The following NR1D2 variants were observed in gnomAD, a reference collection of about 807,000 sequenced individuals.
NR1D2 encodes the protein nuclear receptor subfamily 1 group D member 2.
Under a neutral mutation model 52.2 loss-of-function variants are expected in NR1D2, and 25 were observed. The observed-to-expected ratio is 0.48, with a 90% CI of 0.35 to 0.67. NR1D2 has a LOEUF of 0.67. Among genes scored for constraint, NR1D2 ranks in the 30% least tolerant of loss-of-function variants. NR1D2 has a pLI of 0.01. For synonymous variants in NR1D2, 259 were observed against 230.1 expected, an observed-to-expected ratio of 1.13 and a Z score of -1.14; for missense variants, 681 against 707.2, an observed-to-expected ratio of 0.96 and a Z score of 0.42.
chr3:23,976,847 G>A (rs1706737072), intron 7 of NR1D2, among the ~76,000 whole-genome samples: 1 of 152,128 alleles, frequency 6.6e-6, no homozygotes, highest in Non-Finnish European at 1.5e-5. Flanking sequence ...ACATACAAAT[G>A]GGAGTGTATT....
At chr3:23,967,668 G>C (rs1706485802) in intron 6 of NR1D2, 145 bp from the exon 7 acceptor site, 1 of 628,098 alleles carries the variant, frequency 1.6e-6, no homozygotes, top group East Asian at 2.7e-5. Context: ...GAATAGAGTG[G>C]TTTTGAGTAA....
intron 1 of NR1D2, among the ~76,000 whole-genome samples, chr3:23,945,796 C>T (rs1166271794): frequency 6.6e-6 from 1 of 150,582 alleles, no homozygotes; most frequent in Non-Finnish European, 1.5e-5. Context: ...CCTGCAAAGC[C>T]GCAGCGCGGC....
intron 3 of NR1D2, among the ~76,000 whole-genome samples, chr3:23,958,162 C>T (rs1706135513): frequency 6.6e-6 from 1 of 152,142 alleles, no homozygotes; most frequent in African/African-American, 2.4e-5. Context: ...GGATAGTTAG[C>T]TACTCTGTTG....
intron 1 of NR1D2, among the ~76,000 whole-genome samples, chr3:23,949,106 C>CT (rs1705857201): frequency 1.3e-5 from 2 of 152,106 alleles, no homozygotes; most frequent in Non-Finnish European, 2.9e-5. Context: ...TGGCTCATGC[C>CT]TGTAATCCTA....
Position 23,979,429 on chromosome 3 carries a change from C to G in NR1D2, c.*2010C>G, listed in dbSNP as rs570859781. 6.6e-6 allele frequency: 1 copy of G among 152,014 alleles called. No homozygotes were observed. Among genetic ancestry groups the G allele is most frequent in the African/African-American group, 2.4e-5 (1 of 41,510 alleles). The allele number at this position is 152,014 out of a possible 1,614,324, so 9.4% of individuals were successfully genotyped here. ...AAAACCTCAAAAGATCATGTTGATT[C>G]TTAATTTTTGCCTTTTGCATAAGCC... On this transcript the variant is annotated 3_prime_UTR_variant, in exon 8 of 8. Coordinates refer to ENST00000312521, the MANE Select transcript of NR1D2 (RefSeq NM_005126.5).
At chr3:23,954,198 A>G (rs1051821382) in intron 1 of NR1D2, among the ~76,000 whole-genome samples, 2 of 152,154 alleles carry the variant, frequency 1.3e-5, no homozygotes, top group African/African-American at 2.4e-5. Context: ...TTGTAGAAAC[A>G]GCATTACCTT....
At chr3:23,958,928 T>C (rs941549667) in intron 3 of NR1D2, among the ~76,000 whole-genome samples, 1 of 151,934 alleles carries the variant, frequency 6.6e-6, no homozygotes, top group Non-Finnish European at 1.5e-5. Flanking sequence ...CAGCCCGGGC[T>C]ACAGAGCAAG....
At chr3:23,949,364 GA>G (rs768317122) in intron 1 of NR1D2, among the ~76,000 whole-genome samples, 42 of 143,948 alleles carry the variant, frequency 2.9e-4, no homozygotes, top group African/African-American at 2.8e-4. Flanking sequence ...AACTCCGTCT[GA>G]AAAAAAAAAA....
chr3:23,964,945 A>G, intron 5 of NR1D2, 32 bp from the exon 6 acceptor site: 1 of 1,423,826 alleles, frequency 7.0e-7, no homozygotes, highest in South Asian at 1.2e-5. Flanking sequence ...ACCTCTTAGT[A>G]TTTAAGAGTT....
At chr3:23,957,573 A>G (rs1032545720) in intron 3 of NR1D2, among the ~76,000 whole-genome samples, 2 of 151,198 alleles carry the variant, frequency 1.3e-5, no homozygotes, top group African/African-American at 4.8e-5. Context: ...AAAAAAAAAA[A>G]TTAGCCGGAC....
rs1706184546 is a variant in NR1D2 at position 23,959,660 on chromosome 3, T to TTTG, written c.373-8_373-6dup. The TTTG allele has an allele frequency of 6.2e-7, 1 of 1,606,086 alleles. No individual in the cohort carries two copies. The highest frequency in any genetic ancestry group is 1.3e-5 in the African/African-American group (1 of 74,326). On this transcript the variant is annotated splice_polypyrimidine_tract_variant and intron_variant, in intron 3 of 7. Transcript: ENST00000312521. ...TTTTAAATGGGTAAGTAAATCTTCC[T>TTTG]TTGTTCTTAGGGTTTCTTTCGGAGA...
rs1476120352 is a variant in NR1D2, at chr3:23,954,534, T to C, written c.17-3T>C. 1.2e-6 allele frequency: 2 copies of C among 1,609,104 alleles called. No homozygotes were observed. The highest frequency in any genetic ancestry group is 1.7e-6 in the Non-Finnish European group (2 of 1,176,580). The stretch of plus-strand genomic sequence containing the variant: ...ATTATGTGATTTTCCTCCTATTTTC[T>C]AGGAGGTGTGATTGCCTATATCAGT... On this transcript the variant is annotated splice_region_variant and splice_polypyrimidine_tract_variant and intron_variant, in intron 1 of 7. Transcript: ENST00000312521.
intron 1 of NR1D2, chr3:23,946,179 G>A (rs1010344413): frequency 1.4e-4 from 139 of 985,348 alleles, no homozygotes; most frequent in Non-Finnish European, 1.5e-4. Context: ...CGCCCGCTGA[G>A]CCCCCGCGGC....
chr3:23,961,958 A>G lies in NR1D2; in HGVS notation c.518-19A>G, dbSNP rs373860638. On this transcript the variant is annotated intron_variant, in intron 4 of 7. Coordinates refer to ENST00000312521, the MANE Select transcript of NR1D2 (RefSeq NM_005126.5). ...GTCTTATTTAGAATATAGACGTTAA[A>G]TATCTTTTTCTTCAATAGCTGTTCG... is the stretch of plus-strand genomic sequence containing the variant. 4 of 1,562,326 alleles carry G rather than the reference A, an allele frequency of 2.6e-6. No homozygotes were observed. In the African/African-American group the frequency reaches 4.1e-5, roughly 16 times the overall value.
intron 6 of NR1D2, among the ~76,000 whole-genome samples, chr3:23,966,061 C>T (rs1706441854): frequency 6.6e-6 from 1 of 152,178 alleles, no homozygotes; most frequent in East Asian, 1.9e-4. Flanking sequence ...TGTGCCTCTC[C>T]TGGTCCTTAG....
At chr3:23,969,690 G>A (rs1706538209) in intron 7 of NR1D2, among the ~76,000 whole-genome samples, 2 of 152,194 alleles carry the variant, frequency 1.3e-5, no homozygotes, top group South Asian at 4.1e-4. Context: ...TAAGGCACAA[G>A]CTTGCTAAGT....
At chr3:23,955,518 A>G (rs1402699398) in intron 2 of NR1D2, among the ~76,000 whole-genome samples, 2 of 152,198 alleles carry the variant, frequency 1.3e-5, no homozygotes, top group African/African-American at 2.4e-5. Context: ...TGTCAGTGCC[A>G]TAAGTTGTAT....
intron 4 of NR1D2, among the ~76,000 whole-genome samples, chr3:23,961,400 T>C (rs1261918165): frequency 6.9e-6 from 1 of 144,800 alleles, no homozygotes; most frequent in Non-Finnish European, 1.5e-5. Flanking sequence ...TTTTTTTTTT[T>C]TTTTTTTTTT....
intron 1 of NR1D2, chr3:23,946,702 T>C (rs760686252): frequency 6.6e-6 from 1 of 152,170 alleles, no homozygotes; most frequent in African/African-American, 2.4e-5. Flanking sequence ...CATTCTTCAT[T>C]TAAATTAAAA....
Sources: allele counts gnomAD v4.1 joint callset (sites outside exome capture counted in the v4.1 genomes callset), GRCh38; gene constraint gnomAD v4.1.1; transcripts MANE v1.5; gene names NCBI Gene and HGNC (gene_info 2026-07-23, HGNC 2026-07-21).